Variants in TCEANC2 observed in about 807,000 individuals in gnomAD.
TCEANC2 encodes the protein transcription elongation factor A N-terminal and central domain-containing protein 2.
A neutral mutation model predicts 22.8 loss-of-function variants in TCEANC2; 20 were observed. The ratio of observed to expected loss-of-function variants is 0.88; its 90% CI spans 0.62 to 1.28. TCEANC2 has a LOEUF of 1.28. Among genes scored for constraint, TCEANC2 ranks in the 50% most tolerant of loss-of-function variants. The pLI, the probability that TCEANC2 is intolerant of heterozygous loss-of-function variation, is 0.00. For synonymous variants in TCEANC2, 84 were observed against 95.5 expected (o/e 0.88, Z 0.70); for missense variants, 251 against 249.7 (o/e 1.01, Z -0.03).
chr1:54,109,807 G>A (rs566125505), downstream of TCEANC2, among the ~76,000 whole-genome samples: 7 of 152,256 alleles, frequency 4.6e-5, no homozygotes, highest in Non-Finnish European at 8.8e-5. Flanking sequence ...CAAGAGCCCC[G>A]TCCCCTCCTG....
chr1:54,074,000 C>T (rs1658102228), intron 3 of TCEANC2, among the ~76,000 whole-genome samples: 1 of 152,098 alleles, frequency 6.6e-6, no homozygotes, highest in South Asian at 2.1e-4. Flanking sequence ...TAGGGAACAG[C>T]AGGTTTGGAG....
At chr1:54,094,580 C>T (rs983777316) in intron 4 of TCEANC2, among the ~76,000 whole-genome samples, 5 of 152,210 alleles carry the variant, frequency 3.3e-5, no homozygotes, top group Non-Finnish European at 5.9e-5. Context: ...CCTCTCCTTT[C>T]TCCTGGTGCA....
At chr1:54,108,849 G>A (rs1658798474), downstream of TCEANC2, among the ~76,000 whole-genome samples, 2 of 152,096 alleles carry the variant, frequency 1.3e-5, no homozygotes, top group South Asian at 2.1e-4. Context: ...GTGGGCGCCT[G>A]TAGTCCCAGC....
chr1:54,068,134 T>G (rs571842421), intron 2 of TCEANC2, among the ~76,000 whole-genome samples: 2 of 152,344 alleles, frequency 1.3e-5, no homozygotes, highest in Non-Finnish European at 2.9e-5. Context: ...TAGTTTCTTC[T>G]AGGAAGGGAA....
At chr1:54,107,408 T>C (rs553464332), downstream of TCEANC2, among the ~76,000 whole-genome samples, 1 of 152,104 alleles carries the variant, frequency 6.6e-6, no homozygotes, top group Non-Finnish European at 1.5e-5. Context: ...GTTACGTTAG[T>C]TTTTGCCAGA....
chr1:54,108,119 G>T (rs142162471), downstream of TCEANC2, among the ~76,000 whole-genome samples: 1 of 152,272 alleles, frequency 6.6e-6, no homozygotes, highest in South Asian at 2.1e-4. Context: ...CAAAGGGTTC[G>T]CCTTCCTTGC....
At chr1:54,056,273 C>T (rs540682086) in intron 2 of TCEANC2, among the ~76,000 whole-genome samples, 1 of 152,230 alleles carries the variant, frequency 6.6e-6, no homozygotes, top group Admixed American at 6.5e-5. Context: ...TATACACTCA[C>T]CTACACCTAC....
At chr1:54,067,720 T>G (rs780262460) in intron 2 of TCEANC2, among the ~76,000 whole-genome samples, 4 of 152,202 alleles carry the variant, frequency 2.6e-5, no homozygotes, top group African/African-American at 4.8e-5. Context: ...GGGAGAGAGA[T>G]AAGACTTTTT....
At position 54,099,686 on chromosome 1, in the gene TCEANC2, G is replaced by A. The variant is rs922061781; in HGVS notation, c.*3213G>A. On this transcript the variant is annotated 3_prime_UTR_variant, in exon 5 of 5. Coordinates refer to ENST00000234827, the MANE Select transcript of TCEANC2 (RefSeq NM_153035.3). ...TTGAACCTGGGAGATGGAGGCTGCA[G>A]TAAGCCAAGATTGTACCACTGCACT... 14 of 149,602 alleles carry A rather than the reference G, an allele frequency of 9.4e-5. No homozygotes were observed. The East Asian group carries it at 2.6e-3, about 27-fold the overall frequency. The allele number at this position is 149,602 out of a possible 1,614,324, so 9.3% of individuals were successfully genotyped here.
intron 3 of TCEANC2, among the ~76,000 whole-genome samples, chr1:54,071,101 A>C (rs1223536790): frequency 2.6e-5 from 4 of 152,210 alleles, no homozygotes; most frequent in African/African-American, 9.6e-5. Flanking sequence ...AATGTGCTTG[A>C]GAGAGCGTGG....
intron 4 of TCEANC2, among the ~76,000 whole-genome samples, chr1:54,094,617 G>A (rs1046379505): frequency 2.6e-5 from 4 of 152,182 alleles, no homozygotes; most frequent in Admixed American, 1.3e-4. Flanking sequence ...CCTGTTCACA[G>A]TCTGTCTGTC....
chr1:54,107,139 C>T (rs2100398607), downstream of TCEANC2, among the ~76,000 whole-genome samples: 1 of 152,316 alleles, frequency 6.6e-6, no homozygotes, highest in East Asian at 1.9e-4. Context: ...CCTGTCTATC[C>T]TGTCTCCTCT....
intron 3 of TCEANC2, among the ~76,000 whole-genome samples, chr1:54,087,804 A>C (rs1658368823): frequency 6.6e-6 from 1 of 152,226 alleles, no homozygotes; most frequent in Non-Finnish European, 1.5e-5. Context: ...CTGTGGAAGA[A>C]ACCATATCTG....
chr1:54,054,142 A>G (rs1657689865), intron 1 of TCEANC2: 1 of 895,844 alleles, frequency 1.1e-6, no homozygotes. Flanking sequence ...AATCCTCGCT[A>G]GAGCGTGCAC....
chr1:54,054,295 C>T, intron 1 of TCEANC2, 86 bp from the exon 2 acceptor site: 1 of 1,474,956 alleles, frequency 6.8e-7, no homozygotes, highest in Non-Finnish European at 9.0e-7. Context: ...TGAATTCTTC[C>T]AGAGAACTCA....
Position 54,105,608 on chromosome 1 carries a change from A to G in TCEANC2, c.*9135A>G, listed in dbSNP as rs186074794. The G allele has an allele frequency of 9.3e-5, 14 of 151,290 alleles. No individual in the cohort carries two copies. The highest frequency in any genetic ancestry group is 9.2e-4 in the Admixed American group (14 of 15,152). 9.4% of individuals were successfully genotyped at this position (151,290 alleles called of 1,614,324 possible). ...ATAGCTCTTCCAGTTTTTGTTAACA[A>G]TTCTAGAACAGGGGTCAGCAAACTT... On this transcript the variant is annotated 3_prime_UTR_variant, in exon 5 of 5. Transcript: ENST00000234827.
At chr1:54,072,682 A>G (rs1315421465) in intron 3 of TCEANC2, among the ~76,000 whole-genome samples, 1 of 152,172 alleles carries the variant, frequency 6.6e-6, no homozygotes, top group Non-Finnish European at 1.5e-5. Context: ...GGCGTGAGCC[A>G]TCGGCCTTGG....
chr1:54,100,627 G>C lies in TCEANC2; in HGVS notation c.*4154G>C, dbSNP rs1421723096. ...AGCAGAGGGCTCAGTCTATGTGAAA[G>C]CACAGAAGCGTGAGGTGTATGGCTA... On this transcript the variant is annotated 3_prime_UTR_variant, in exon 5 of 5. Transcript: ENST00000234827. The C allele has an allele frequency of 6.6e-6, 1 of 152,248 alleles. No homozygotes were observed. The highest frequency in any genetic ancestry group is 1.5e-5 in the Non-Finnish European group (1 of 68,052). 9.4% of individuals were successfully genotyped at this position (152,248 alleles called of 1,614,324 possible). A position where few individuals can be genotyped will look rare whatever the true frequency, so the allele number is the denominator to read the frequency against.
At chr1:54,093,682 G>A (rs1658488695) in intron 4 of TCEANC2, among the ~76,000 whole-genome samples, 1 of 150,496 alleles carries the variant, frequency 6.6e-6, no homozygotes, top group Non-Finnish European at 1.5e-5. Context: ...TAGCAATTCA[G>A]TTAACTATTT....
Sources: gnomAD v4.1 joint callset for allele counts (sites outside exome capture counted in the v4.1 genomes callset) on GRCh38, gnomAD v4.1.1 for gene constraint, MANE v1.5 for transcripts, NCBI Gene and HGNC (gene_info 2026-07-23, HGNC 2026-07-21) for gene names.